KAZN: variants seen among roughly 807,000 people sequenced by gnomAD.
KAZN encodes kazrin.
Under a neutral mutation model 87.4 loss-of-function variants are expected in KAZN, and 40 were observed. The ratio of observed to expected loss-of-function variants is 0.46; its 90% CI spans 0.36 to 0.60. The LOEUF is 0.60. Ranked by LOEUF, KAZN falls within the 20% of genes least tolerant of loss-of-function variation. The pLI, the probability that KAZN is intolerant of heterozygous loss-of-function variation, is 0.00. For synonymous variants in KAZN, 466 were observed against 458.3 expected, an observed-to-expected ratio of 1.02 and a Z score of -0.22; for missense variants, 898 against 1,073.9, an observed-to-expected ratio of 0.84 and a Z score of 2.29.
intron 2 of KAZN, among the ~76,000 whole-genome samples, chr1:14,540,755 G>T (rs763069030): frequency 1.3e-5 from 2 of 152,214 alleles, no homozygotes; most frequent in Non-Finnish European, 2.9e-5. Flanking sequence ...AGCATGCAGA[G>T]GTTCCTGACA....
At chr1:14,591,379 C>A (rs1381749155) in intron 2 of KAZN, among the ~76,000 whole-genome samples, 2 of 151,700 alleles carry the variant, frequency 1.3e-5, no homozygotes, top group Non-Finnish European at 2.9e-5. Flanking sequence ...CAGGCCAGCA[C>A]ACATATTCTC....
intron 2 of KAZN, among the ~76,000 whole-genome samples, chr1:14,465,393 T>C: frequency 1.2e-5 from 1 of 86,902 alleles, no homozygotes; most frequent in Admixed American, 1.3e-4. Context: ...AGCGAGACTC[T>C]GTCTCAAAAA....
intron 2 of KAZN, among the ~76,000 whole-genome samples, chr1:14,442,287 C>T (rs1666749158): frequency 6.6e-6 from 1 of 152,220 alleles, no homozygotes; most frequent in South Asian, 2.1e-4. Context: ...CCATTTCACT[C>T]AGGCTGACCA....
At chr1:14,606,956 T>A (rs934509670) in intron 1 of KAZN, among the ~76,000 whole-genome samples, 1 of 152,172 alleles carries the variant, frequency 6.6e-6, no homozygotes, top group Non-Finnish European at 1.5e-5. Context: ...AGGGGAGACT[T>A]CAATTGTTAG....
chr1:14,140,416 A>G (rs565808961), intron 1 of KAZN, among the ~76,000 whole-genome samples: 2 of 152,214 alleles, frequency 1.3e-5, no homozygotes, highest in East Asian at 3.9e-4. Context: ...ATTAATGAAG[A>G]TCTCGATAAT....
At chr1:14,692,383 GTTTTTCT>G in intron 1 of KAZN, 1 of 305,714 alleles carries the variant, frequency 3.3e-6, no homozygotes, top group East Asian at 5.4e-5. Context: ...CCATACGTCA[GTTTTTCT>G]TTGACCGACC....
chr1:14,477,763 A>G (rs1315027416), intron 2 of KAZN, among the ~76,000 whole-genome samples: 1 of 152,156 alleles, frequency 6.6e-6, no homozygotes, highest in Non-Finnish European at 1.5e-5. Context: ...GCAAACCCCA[A>G]AGTGGCAGTG....
chr1:14,549,434 T>C (rs1394052294), intron 2 of KAZN, among the ~76,000 whole-genome samples: 1 of 152,102 alleles, frequency 6.6e-6, no homozygotes, highest in African/African-American at 2.4e-5. Flanking sequence ...AGACCAAACT[T>C]TGTGAGAAGA....
chr1:14,926,434 G>A (rs1295838723), intron 1 of KAZN, among the ~76,000 whole-genome samples: 2 of 152,124 alleles, frequency 1.3e-5, no homozygotes, highest in Admixed American at 6.5e-5. Context: ...AGCCCTCATG[G>A]TATGTCCGTT....
chr1:14,110,794 C>T lies in KAZN; in HGVS notation c.92-69641C>T, dbSNP rs758117541. Among the ~76,000 whole-genome samples the T allele has an allele frequency of 2.6e-4, 35 of 133,894 alleles. 6 individuals carry two copies. The highest frequency in any genetic ancestry group is 7.5e-3 in the Middle Eastern group (2 of 266). 87.8% of individuals were successfully genotyped at this position (133,894 alleles called of 152,430 possible). A position where few individuals can be genotyped will look rare whatever the true frequency, so the allele number is the denominator to read the frequency against. On this transcript the variant is annotated intron_variant, in intron 1 of 16. Transcript: ENST00000636203. ...GCTTAGTACAGGGAAAAAAAAGACA[C>T]GTAAAATATCTCATTAATATCTTTT...
intron 2 of KAZN, among the ~76,000 whole-genome samples, chr1:14,482,963 C>T (rs1414330701): frequency 6.6e-6 from 1 of 152,174 alleles, no homozygotes; most frequent in Non-Finnish European, 1.5e-5. Flanking sequence ...GTTTTGTCAT[C>T]TGCACAATGG....
At chr1:14,328,747 T>TG (rs1349917100) in intron 2 of KAZN, among the ~76,000 whole-genome samples, 4 of 23,294 alleles carry the variant, frequency 1.7e-4, no homozygotes, top group African/African-American at 5.4e-4. Context: ...CATCCCTAAC[T>TG]GAAAAAAAAA....
At chr1:13,939,517 C>G (rs78467344) in intron 1 of KAZN, among the ~76,000 whole-genome samples, 2 of 152,348 alleles carry the variant, frequency 1.3e-5, no homozygotes, top group East Asian at 3.9e-4. Flanking sequence ...AACCATTTAA[C>G]CAGTCTCTAA....
intron 1 of KAZN, among the ~76,000 whole-genome samples, chr1:14,851,662 C>G (rs894274155): frequency 2.0e-5 from 3 of 152,202 alleles, no homozygotes; most frequent in Non-Finnish European, 4.4e-5. Context: ...TCCACCTGGG[C>G]GTTGACTTAT....
At chr1:14,214,343 G>A (rs1646916128) in intron 2 of KAZN, among the ~76,000 whole-genome samples, 1 of 152,070 alleles carries the variant, frequency 6.6e-6, no homozygotes, top group Admixed American at 6.6e-5. Context: ...GCCAGTGGGG[G>A]CTGTGTTGGT....
At chr1:15,087,763 A>G (rs1640331386) in intron 8 of KAZN, among the ~76,000 whole-genome samples, 1 of 152,216 alleles carries the variant, frequency 6.6e-6, no homozygotes. Flanking sequence ...GCTGTACTGG[A>G]CAGAGCAGTC....
intron 2 of KAZN, among the ~76,000 whole-genome samples, chr1:14,258,364 C>T (rs541995394): frequency 5.3e-5 from 8 of 150,852 alleles, no homozygotes; most frequent in African/African-American, 7.3e-5. Flanking sequence ...TACAAGTGCC[C>T]GCCACCACGC....
intron 2 of KAZN, among the ~76,000 whole-genome samples, chr1:14,572,082 A>T (rs1289374968): frequency 6.6e-6 from 1 of 152,126 alleles, no homozygotes; most frequent in African/African-American, 2.4e-5. Context: ...CATCGTTCCC[A>T]CCGCCGCTCT....
Position 15,080,441 on chromosome 1 carries a change from G to A in KAZN, c.1223-13739G>A, listed in dbSNP as rs540609089. 3.3e-5 allele frequency among the ~76,000 whole-genome samples: 5 copies of A among 152,082 alleles called. 1 individual carries two copies. The South Asian group carries it at 1.0e-3, about 32-fold the overall frequency. On this transcript the variant is annotated intron_variant, in intron 8 of 14. Coordinates refer to ENST00000376030, the MANE Select transcript of KAZN (RefSeq NM_201628.3). ...CCCCTGCCACCTCGCTGCCCACCAA[G>A]GGTCCTGCCATCAGCCCCCAGCAGC...
Sources: gnomAD v4.1 joint callset for allele counts (sites outside exome capture counted in the v4.1 genomes callset) on GRCh38, gnomAD v4.1.1 for gene constraint, MANE v1.5 for transcripts, NCBI Gene and HGNC (gene_info 2026-07-23, HGNC 2026-07-21) for gene names.